ZNF233: variants seen among roughly 807,000 people sequenced by gnomAD.
The protein encoded by ZNF233 is zinc finger protein 233.
ZNF233 carries 7 observed loss-of-function variants against 11.6 expected under a neutral mutation model. That is an observed-to-expected ratio of 0.60 (90% confidence interval 0.34 to 1.13). The LOEUF (loss-of-function observed/expected upper bound fraction) is 1.13. Among genes scored for constraint, ZNF233 ranks in the 50% most tolerant of loss-of-function variants. The pLI is 0.03. For synonymous variants in ZNF233, 226 were observed against 268.5 expected (o/e 0.84, Z 1.55); for missense variants, 711 against 785.5 (o/e 0.91, Z 1.13).
chr19:44,261,932 G>A (rs898192960), intron 1 of ZNF233, among the ~76,000 whole-genome samples: 6 of 152,104 alleles, frequency 3.9e-5, no homozygotes, highest in East Asian at 1.9e-4. Flanking sequence ...GATTACAGGC[G>A]TGAGCCACTG....
rs1162200270 is a variant in ZNF233, at chr19:44,273,279, C to T, written c.619C>T (p.Leu207Phe). The change falls in exon 5 of 5, where the codon CTC (leucine) becomes TTC (phenylalanine). Residue 207 changes from leucine to phenylalanine, a missense_variant. Transcript: ENST00000683810. ...TCAGCAAATTGATGTAAAAAATAAG[C>T]TCTGTAAATGTGATCATTGTGTTAG... ...RCQQIDVKNK[L>F]CKCDHCVRQR... 1 of 1,613,846 alleles carries T rather than the reference C, an allele frequency of 6.2e-7. No homozygotes were observed. Among genetic ancestry groups the T allele is most frequent in the Non-Finnish European group, 8.5e-7 (1 of 1,179,996 alleles).
At chr19:44,264,224 G>C in intron 1 of ZNF233, 90 bp from the exon 2 acceptor site, 1 of 835,036 alleles carries the variant, frequency 1.2e-6, no homozygotes, top group East Asian at 2.6e-5. Context: ...ACAGGCATGA[G>C]CCACCATGCC....
At chr19:44,261,481 G>A (rs868802519) in intron 1 of ZNF233, among the ~76,000 whole-genome samples, 5 of 151,818 alleles carry the variant, frequency 3.3e-5, no homozygotes, top group African/African-American at 1.2e-4. Flanking sequence ...CAATGACTGG[G>A]GGATGCTCAA....
At chr19:44,268,909 C>T (rs561980846) in intron 4 of ZNF233, among the ~76,000 whole-genome samples, 10 of 152,222 alleles carry the variant, frequency 6.6e-5, no homozygotes, top group South Asian at 6.2e-4. Context: ...AGCACCAAAA[C>T]GCAAAAACTA....
At chr19:44,272,227 C>CAAA (rs1226989331) in intron 4 of ZNF233, among the ~76,000 whole-genome samples, 1 of 78,306 alleles carries the variant, frequency 1.3e-5, no homozygotes. Flanking sequence ...GACTCCATCT[C>CAAA]AAAAAAAAAA....
Position 44,274,699 on chromosome 19 carries a change from G to T in ZNF233, c.*26G>T, listed in dbSNP as rs779905529. 1 of 1,535,406 alleles carries T rather than the reference G, an allele frequency of 6.5e-7. No individual in the cohort carries two copies. Among genetic ancestry groups the T allele is most frequent in the Non-Finnish European group, 8.8e-7 (1 of 1,131,846 alleles). On this transcript the variant is annotated 3_prime_UTR_variant, in exon 5 of 5. Coordinates refer to ENST00000683810, the MANE Select transcript of ZNF233 (RefSeq NM_001207005.2). ...TGGTGATGAATCTATTAATCATGAT[G>T]AGTGTGATAGGGGTGCTCTTCAAGA...
In ZNF233 at chr19:44,274,629, T is replaced by G. The variant is rs1420304283; in HGVS notation, c.1969T>G (p.Phe657Val). 1 of 1,595,620 alleles carries G rather than the reference T, an allele frequency of 6.3e-7. No homozygotes were observed. The highest frequency in any genetic ancestry group is 8.5e-7 in the Non-Finnish European group (1 of 1,177,494). The change falls in exon 5 of 5, where the codon TTT (phenylalanine) becomes GTT (valine). Residue 657 changes from phenylalanine (F) to valine (V), a missense_variant. Physicochemically the swap from Phe to Val is conservative, Grantham distance 50. Transcript: ENST00000683810. ...CAAATGTTTTGTGTGTGGTAAGGGC[T>G]TTAGTAAGAGTTCGTTGTCTTCAGA... is the stretch of plus-strand genomic sequence containing the variant. The part of the protein sequence containing the change: ...PYKCFVCGKG[F>V]SKSSLSSDSS...
rs1568636871 is a variant in ZNF233 at position 44,273,347 on chromosome 19, A to G, written c.687A>G (p.Lys229=). 3.7e-6 allele frequency: 6 copies of G among 1,614,186 alleles called. No individual in the cohort carries two copies. Among genetic ancestry groups the G allele is most frequent in the Admixed American group, 3.3e-5 (2 of 60,028 alleles). ...AHQHDDHGVH[K]REKAFSHNNC... ...AACATGATGATCATGGAGTACACAAAAGAGAGAAAGCTTTTAGCCACAATA... is the reference window on the plus strand; with the variant it reads ...AACATGATGATCATGGAGTACACAAGAGAGAGAAAGCTTTTAGCCACAATA... Residue 229 remains lysine (K), a synonymous_variant, in exon 5 of 5, where the codon AAA becomes AAG. Coordinates refer to ENST00000683810, the MANE Select transcript of ZNF233 (RefSeq NM_001207005.2).
rs747048347 is a variant in ZNF233 at position 44,273,132 on chromosome 19, G to C, written c.472G>C (p.Val158Leu). The change falls in exon 5 of 5, where the codon GTA becomes CTA. Residue 158 changes from valine (V) to leucine (L), a missense_variant. By Grantham distance (32) the Val-to-Leu change is conservative. Transcript: ENST00000683810. ...TCAGGTCTCTGAAGATGAGAACTATGTAATAAAGCTACAAGGGGAGAGTTC... is the reference window on the plus strand; with the variant it reads ...TCAGGTCTCTGAAGATGAGAACTATCTAATAAAGCTACAAGGGGAGAGTTC... ...SSQVSEDENY[V>L]IKLQGESSNS... 3 of 1,614,032 alleles carry C rather than the reference G, an allele frequency of 1.9e-6. No homozygotes were observed. Among genetic ancestry groups the C allele is most frequent in the Non-Finnish European group, 2.5e-6 (3 of 1,180,016 alleles).
intron 2 of ZNF233, among the ~76,000 whole-genome samples, chr19:44,265,366 T>TATACAC (rs1402228992): frequency 7.5e-5 from 10 of 133,194 alleles, no homozygotes; most frequent in African/African-American, 2.1e-4. Flanking sequence ...CATATATATA[T>TATACAC]ACACACACAC....
intron 4 of ZNF233, among the ~76,000 whole-genome samples, chr19:44,270,346 TAA>T (rs398034740): frequency 9.6e-5 from 7 of 72,726 alleles, no homozygotes; most frequent in Admixed American, 3.4e-4. Flanking sequence ...CCATCTATAC[TAA>T]AAAAAAAAAA....
Position 44,275,276 on chromosome 19 carries a change from G to T in ZNF233, c.*603G>T. On this transcript the variant is annotated 3_prime_UTR_variant, in exon 5 of 5. Coordinates refer to ENST00000683810, the MANE Select transcript of ZNF233 (RefSeq NM_001207005.2). ...GGATTCTTGCAAGAAGCCTTAAAAT[G>T]AATTCAAGGAAATGACATTTAATTA... 1 of 205,566 alleles carries T rather than the reference G, an allele frequency of 4.9e-6. No homozygotes were observed. The highest frequency in any genetic ancestry group is 9.6e-6 in the Non-Finnish European group (1 of 104,220). The allele number at this position is 205,566 out of a possible 1,614,324, so 12.7% of individuals were successfully genotyped here. A position where few individuals can be genotyped will look rare whatever the true frequency, so the allele number is the denominator to read the frequency against.
chr19:44,274,653 G>C lies in ZNF233; in HGVS notation c.1993G>C (p.Asp665His), dbSNP rs753024279. 3.8e-6 allele frequency: 6 copies of C among 1,594,036 alleles called. No homozygotes were observed. Among genetic ancestry groups the C allele is most frequent in the South Asian group, 1.1e-5 (1 of 89,300 alleles). Residue 665 changes from aspartate to histidine, a missense_variant, in exon 5 of 5, where the codon GAT (aspartate) becomes CAT (histidine). Physicochemically the swap from Asp to His is moderately conservative, Grantham distance 81. Coordinates refer to ENST00000683810, the MANE Select transcript of ZNF233 (RefSeq NM_001207005.2). Reference sequence around the variant, plus strand: ...CTTTAGTAAGAGTTCGTTGTCTTCAGATTCATCAGAGAGTCCATGATGGTG... The same window carrying C: ...CTTTAGTAAGAGTTCGTTGTCTTCACATTCATCAGAGAGTCCATGATGGTG... ...KGFSKSSLSS[D>H]SSESP
At position 44,273,575 on chromosome 19, in the gene ZNF233, G is replaced by A; in HGVS notation, c.915G>A (p.Gln305=). The A allele has an allele frequency of 6.2e-7, 1 of 1,614,226 alleles. No individual in the cohort carries two copies. Among genetic ancestry groups the A allele is most frequent in the Non-Finnish European group, 8.5e-7 (1 of 1,180,044 alleles). ...ACAGCTCAGGGCTTCCCAGGCATCA[G>A]TGTTTCCACATAGGAGAGAAATGCT... ...IGYSSGLPRH[Q]CFHIGEKCYR... The change falls in exon 5 of 5, where the codon CAG becomes CAA. Residue 305 remains glutamine (Q), a synonymous_variant. Transcript: ENST00000683810.
chr19:44,265,675 C>G (rs1342410649), intron 2 of ZNF233, among the ~76,000 whole-genome samples: 1 of 152,202 alleles, frequency 6.6e-6, no homozygotes, highest in African/African-American at 2.4e-5. Flanking sequence ...CCACCTCGGC[C>G]TCCCAAAGTG....
intron 1 of ZNF233, among the ~76,000 whole-genome samples, chr19:44,260,928 G>A (rs891343784): frequency 6.6e-6 from 1 of 152,196 alleles, no homozygotes; most frequent in African/African-American, 2.4e-5. Context: ...TTGAGTGCCA[G>A]GGTCTCTTCT....
chr19:44,275,088 T>C lies in ZNF233; in HGVS notation c.*415T>C, dbSNP rs529429611. On this transcript the variant is annotated 3_prime_UTR_variant, in exon 5 of 5. Coordinates refer to ENST00000683810, the MANE Select transcript of ZNF233 (RefSeq NM_001207005.2). ...AGAATCTAAGCTCCATGCAGGAACATTGTTTACTGCTGCATGATCGTGACC... is the reference window on the plus strand; with the variant it reads ...AGAATCTAAGCTCCATGCAGGAACACTGTTTACTGCTGCATGATCGTGACC... 4.5e-5 allele frequency: 18 copies of C among 402,890 alleles called. No homozygotes were observed. In the South Asian group the frequency reaches 6.4e-4, roughly 14 times the overall value. 25.0% of individuals were successfully genotyped at this position (402,890 alleles called of 1,614,324 possible).
At chr19:44,264,397 A>G in intron 2 of ZNF233, 22 bp downstream of exon 2, 4 of 1,608,228 alleles carry the variant, frequency 2.5e-6, no homozygotes, top group Non-Finnish European at 3.4e-6. Context: ...TTTGATTTTT[A>G]TCTCTTAAAA....
chr19:44,271,133 A>T (rs991091338), intron 4 of ZNF233, among the ~76,000 whole-genome samples: 32 of 152,194 alleles, frequency 2.1e-4, no homozygotes, highest in African/African-American at 7.7e-4. Flanking sequence ...TATCATGTTC[A>T]CTAATTGAAT....
Sources: allele counts gnomAD v4.1 joint callset (sites outside exome capture counted in the v4.1 genomes callset), GRCh38; gene constraint gnomAD v4.1.1; transcripts MANE v1.5; gene names NCBI Gene and HGNC (gene_info 2026-07-23, HGNC 2026-07-21).